DCAF6: variants seen among roughly 807,000 people sequenced by gnomAD.
DCAF6 encodes DDB1- and CUL4-associated factor 6.
DCAF6 carries 54 observed loss-of-function variants against 125.1 expected under a neutral mutation model. The ratio of observed to expected loss-of-function variants is 0.43; its 90% confidence interval spans 0.35 to 0.54. The LOEUF is 0.54. Among genes scored for constraint, DCAF6 ranks in the 20% least tolerant of loss-of-function variants. The pLI, the probability that DCAF6 is intolerant of heterozygous loss-of-function variation, is 0.01. For synonymous variants in DCAF6, 371 were observed against 390.4 expected (o/e 0.95, Z 0.58); for missense variants, 934 against 1,161.7 (o/e 0.80, Z 2.85).
At chr1:168,014,694 A>G (rs1243442332) in intron 10 of DCAF6, among the ~76,000 whole-genome samples, 1 of 152,214 alleles carries the variant, frequency 6.6e-6, no homozygotes, top group African/African-American at 2.4e-5. Context: ...CATCCAAACT[A>G]TCAGCAAATT....
intron 12 of DCAF6, among the ~76,000 whole-genome samples, chr1:168,033,893 T>C (rs1232139720): frequency 6.6e-6 from 1 of 152,190 alleles, no homozygotes; most frequent in Non-Finnish European, 1.5e-5. Context: ...AGGGATTTTT[T>C]CCCCACTATA....
At chr1:167,952,223 C>T (rs1483429144) in intron 2 of DCAF6, among the ~76,000 whole-genome samples, 1 of 151,732 alleles carries the variant, frequency 6.6e-6, no homozygotes, top group Non-Finnish European at 1.5e-5. Context: ...GTTTTTGAGA[C>T]AGAGTCTTGC....
chr1:167,896,764 CAGAA>C, the DCAF6 span: 5 of 1,069,306 alleles, frequency 4.7e-6, no homozygotes, highest in Admixed American at 5.1e-5. Flanking sequence ...AATTTCTTAG[CAGAA>C]AGAGAGTATG....
intron 14 of DCAF6, among the ~76,000 whole-genome samples, chr1:168,043,583 C>T (rs972393780): frequency 6.6e-6 from 1 of 152,094 alleles, no homozygotes; most frequent in African/African-American, 2.4e-5. Flanking sequence ...GAACCCTTTT[C>T]TAATAGAATA....
At chr1:167,985,245 G>C (rs369888965) in intron 4 of DCAF6, among the ~76,000 whole-genome samples, 4 of 151,718 alleles carry the variant, frequency 2.6e-5, no homozygotes, top group African/African-American at 4.9e-5. Flanking sequence ...GTGCGTGCGC[G>C]TGTGCACGTG....
chr1:167,901,774 C>T, the DCAF6 span: 149 of 1,614,094 alleles, frequency 9.2e-5, 1 homozygote, highest in African/African-American at 1.6e-3. Context: ...GCTGCTTTCG[C>T]TCCACCCTCC....
chr1:168,049,977 A>C (rs1238482184), intron 16 of DCAF6, among the ~76,000 whole-genome samples: 4 of 143,838 alleles, frequency 2.8e-5, no homozygotes, highest in Non-Finnish European at 3.0e-5. Flanking sequence ...TTTTTTTTTT[A>C]CAATGCCAAA....
chr1:167,901,007 T>G, the DCAF6 span, among the ~76,000 whole-genome samples: 2 of 152,192 alleles, frequency 1.3e-5, no homozygotes, highest in African/African-American at 2.4e-5. Flanking sequence ...ACTCTGTTAC[T>G]CATTACTTAT....
In DCAF6 at chr1:167,951,342, A is replaced by G. The variant is rs534758507; in HGVS notation, c.98-458A>G. On this transcript the variant is annotated intron_variant, in intron 1 of 21. Coordinates refer to ENST00000367840, the MANE Select transcript of DCAF6 (RefSeq NM_001198956.2). ...GTAATCCTAGCACTTTGGGAGGCCA[A>G]TGCGGGTGGATCAGTTGAGGTGAGG... 6.6e-5 allele frequency among the ~76,000 whole-genome samples: 10 copies of G among 152,328 alleles called. No homozygotes were observed. In the South Asian group the frequency reaches 8.3e-4, roughly 13 times the overall value.
At chr1:167,922,165 C>T in the DCAF6 span, among the ~76,000 whole-genome samples, 14 of 152,212 alleles carry the variant, frequency 9.2e-5, no homozygotes, top group Non-Finnish European at 1.8e-4. Context: ...GAAGAAGTCT[C>T]CCCACCAGAG....
chr1:167,924,384 G>T, the DCAF6 span: 4 of 786,094 alleles, frequency 5.1e-6, no homozygotes, highest in Non-Finnish European at 8.0e-6. Context: ...AAATCATCTA[G>T]AGGCATACCA....
At chr1:168,042,815 T>C in intron 13 of DCAF6, 2 of 438,888 alleles carry the variant, frequency 4.6e-6, no homozygotes, top group Non-Finnish European at 8.2e-6. Context: ...AGTCCCTTTA[T>C]ATTTTTGAAT....
chr1:167,909,267 C>T, the DCAF6 span, among the ~76,000 whole-genome samples: 3,214 of 152,184 alleles, frequency 0.021, 101 homozygotes, highest in African/African-American at 0.069. Context: ...TACCACAAAA[C>T]ATTTATCCAC....
At chr1:168,072,227 G>C (rs1377137354) in intron 21 of DCAF6, among the ~76,000 whole-genome samples, 1 of 143,634 alleles carries the variant, frequency 7.0e-6, no homozygotes, top group Non-Finnish European at 1.5e-5. Context: ...AACCCAGGAG[G>C]TGGAGGTTGT....
the DCAF6 span, among the ~76,000 whole-genome samples, chr1:167,925,440 CACATATATATATATAT>C: frequency 1.2e-4 from 6 of 49,660 alleles, no homozygotes; most frequent in Non-Finnish European, 2.3e-4. Flanking sequence ...TATACATATA[CACATATATATATATAT>C]ATATATATAT....
chr1:167,970,540 C>T (rs545744093), intron 3 of DCAF6, among the ~76,000 whole-genome samples: 1 of 151,924 alleles, frequency 6.6e-6, no homozygotes, highest in East Asian at 1.9e-4. Context: ...CCCAGTTACT[C>T]GGGAGGGAGT....
intron 7 of DCAF6, among the ~76,000 whole-genome samples, chr1:168,001,330 G>C (rs1245001400): frequency 6.6e-6 from 1 of 152,080 alleles, no homozygotes; most frequent in Non-Finnish European, 1.5e-5. Context: ...TAAAGGGAGC[G>C]GTCAAGAGTG....
chr1:167,934,241 C>T (rs964577824), upstream of DCAF6, among the ~76,000 whole-genome samples: 2 of 152,048 alleles, frequency 1.3e-5, no homozygotes, highest in Non-Finnish European at 2.9e-5. Flanking sequence ...GTAAGACTAC[C>T]CTCCAATTTT....
chr1:167,945,155 T>G (rs1672867224), intron 1 of DCAF6, among the ~76,000 whole-genome samples: 1 of 152,248 alleles, frequency 6.6e-6, no homozygotes, highest in Non-Finnish European at 1.5e-5. Context: ...TTAGATAATG[T>G]GATGCCTCTA....
Sources: allele counts gnomAD v4.1 joint callset (sites outside exome capture counted in the v4.1 genomes callset), GRCh38; gene constraint gnomAD v4.1.1; transcripts MANE v1.5; gene names NCBI Gene and HGNC (gene_info 2026-07-23, HGNC 2026-07-21).